TOMM70: variants seen among roughly 807,000 people sequenced by gnomAD.
The protein encoded by TOMM70 is mitochondrial import receptor subunit TOM70.
Under a neutral mutation model 73.6 loss-of-function variants are expected in TOMM70, and 13 were observed. The ratio of observed to expected loss-of-function variants is 0.18; its 90% confidence interval spans 0.11 to 0.28. TOMM70 has a LOEUF of 0.28. Ranked by LOEUF, TOMM70 falls within the 10% of genes least tolerant of loss-of-function variation. The probability of loss-of-function intolerance (pLI) is 1.00; values close to 1 mark genes in which losing one functional copy is unlikely to be tolerated. For synonymous variants in TOMM70, 257 were observed against 271.2 expected (o/e 0.95, Z 0.51); for missense variants, 609 against 747.5 (o/e 0.81, Z 2.16).
At chr3:100,369,498 ATTT>A (rs11327711) in intron 9 of TOMM70, among the ~76,000 whole-genome samples, 28 of 137,694 alleles carry the variant, frequency 2.0e-4, no homozygotes, top group African/African-American at 5.4e-4. Context: ...GCCCAAGGGA[ATTT>A]TTTTTTTTTT....
intron 1 of TOMM70, among the ~76,000 whole-genome samples, chr3:100,399,528 T>C (rs1706864337): frequency 6.6e-6 from 1 of 152,154 alleles, no homozygotes. Flanking sequence ...GCCAGACTAA[T>C]TCTCTGCACA....
At chr3:100,394,414 G>C (rs1189769442) in intron 1 of TOMM70, among the ~76,000 whole-genome samples, 1 of 148,686 alleles carries the variant, frequency 6.7e-6, no homozygotes, top group African/African-American at 2.5e-5. Context: ...AGGGGGGCAC[G>C]ATGTCCACTC....
At chr3:100,384,408 C>G (rs1187334118) in intron 4 of TOMM70, 71 bp downstream of exon 4, 2 of 1,050,092 alleles carry the variant, frequency 1.9e-6, no homozygotes, top group Non-Finnish European at 2.7e-6. Flanking sequence ...TAAGCTTAAG[C>G]AGCATAAATT....
At chr3:100,386,664 AT>A in intron 2 of TOMM70, 140 bp downstream of exon 2, 1 of 1,054,896 alleles carries the variant, frequency 9.5e-7, no homozygotes, top group Non-Finnish European at 1.4e-6. Flanking sequence ...AAGTTTTGCA[AT>A]TAATGGAAAT....
At position 100,368,033 on chromosome 3, in the gene TOMM70, C is replaced by A. The variant is rs1413904182; in HGVS notation, c.1673+11G>T. On this transcript the variant is annotated intron_variant, in intron 11 of 11. Transcript: ENST00000284320. Reference sequence around the variant, plus strand: ...GCTACCATATATTTCCTAACAGACTCCAGAAGTTACCTTTGTACTTCAATA... The same window carrying A: ...GCTACCATATATTTCCTAACAGACTACAGAAGTTACCTTTGTACTTCAATA... 6 of 1,611,552 alleles carry A rather than the reference C, an allele frequency of 3.7e-6. No homozygotes were observed. Among genetic ancestry groups the A allele is most frequent in the Non-Finnish European group, 5.1e-6 (6 of 1,178,990 alleles).
At chr3:100,372,480 T>A in intron 9 of TOMM70, 126 bp downstream of exon 9, 1 of 703,756 alleles carries the variant, frequency 1.4e-6, no homozygotes, top group Non-Finnish European at 2.4e-6. Flanking sequence ...GCCATGAGAA[T>A]CAATCAGGAA....
At chr3:100,378,697 A>G (rs1378519748) in intron 5 of TOMM70, among the ~76,000 whole-genome samples, 1 of 152,218 alleles carries the variant, frequency 6.6e-6, no homozygotes, top group African/African-American at 2.4e-5. Context: ...GGGTGTGAGC[A>G]GACCTAGAAT....
chr3:100,380,158 C>T (rs2148891397), intron 5 of TOMM70, among the ~76,000 whole-genome samples: 1 of 152,072 alleles, frequency 6.6e-6, no homozygotes, highest in African/African-American at 2.4e-5. Flanking sequence ...CCAGCCTGGC[C>T]AACATGGTGA....
intron 1 of TOMM70, among the ~76,000 whole-genome samples, chr3:100,398,014 G>A (rs1465447298): frequency 6.6e-6 from 1 of 152,076 alleles, no homozygotes; most frequent in Admixed American, 6.6e-5. Context: ...AAAGGAGATG[G>A]CTAGGTTTTA....
chr3:100,369,736 G>C (rs1706487587), intron 9 of TOMM70, among the ~76,000 whole-genome samples: 1 of 151,898 alleles, frequency 6.6e-6, no homozygotes, highest in African/African-American at 2.4e-5. Context: ...CCTGACCTCA[G>C]GTGATCCACC....
At chr3:100,393,109 G>C (rs530636837) in intron 1 of TOMM70, among the ~76,000 whole-genome samples, 3 of 151,602 alleles carry the variant, frequency 2.0e-5, no homozygotes, top group East Asian at 3.9e-4. Context: ...CCGGGCAGCA[G>C]AGGCTGCAGT....
At chr3:100,394,012 C>T (rs1021166134) in intron 1 of TOMM70, among the ~76,000 whole-genome samples, 1 of 152,304 alleles carries the variant, frequency 6.6e-6, no homozygotes. Flanking sequence ...CAATGATATA[C>T]ATCTGGCAAT....
chr3:100,390,281 C>T lies in TOMM70; in HGVS notation c.325-3303G>A, dbSNP rs182724183. Among the ~76,000 whole-genome samples, 265 of 152,218 alleles carry T rather than the reference C, an allele frequency of 1.7e-3. 2 individuals carry two copies. Among genetic ancestry groups the T allele is most frequent in the African/African-American group, 5.8e-3 (240 of 41,524 alleles). On this transcript the variant is annotated intron_variant, in intron 1 of 11. Coordinates refer to ENST00000284320, the MANE Select transcript of TOMM70 (RefSeq NM_014820.5). ...TAGACTAGTGTAGGAAACAAACAAC[C>T]GTCAATCTCGCAAAAGAACTATTAC...
chr3:100,385,675 A>T (rs1706682367), intron 3 of TOMM70, among the ~76,000 whole-genome samples: 1 of 152,252 alleles, frequency 6.6e-6, no homozygotes, highest in Non-Finnish European at 1.5e-5. Flanking sequence ...TGAGAATGAC[A>T]AATTCACTTT....
At chr3:100,387,664 C>G (rs1161826921) in intron 1 of TOMM70, among the ~76,000 whole-genome samples, 5 of 135,954 alleles carry the variant, frequency 3.7e-5, no homozygotes, top group African/African-American at 1.4e-4. Context: ...TTTCTTGAGA[C>G]AGGGTCTGTC....
Position 100,365,474 on chromosome 3 carries a change from C to A in TOMM70, c.*90G>T. The A allele has an allele frequency of 6.7e-7, 1 of 1,499,684 alleles. No homozygotes were observed. Among genetic ancestry groups the A allele is most frequent in the Non-Finnish European group, 9.0e-7 (1 of 1,105,608 alleles). 92.9% of individuals were successfully genotyped at this position (1,499,684 alleles called of 1,614,324 possible). On this transcript the variant is annotated 3_prime_UTR_variant, in exon 12 of 12. Coordinates refer to ENST00000284320, the MANE Select transcript of TOMM70 (RefSeq NM_014820.5). ...CACAAACAGAAATACTGATTTCCACCATTCAACACAGTTCATGACAGTGTC... is the reference window on the plus strand; with the variant it reads ...CACAAACAGAAATACTGATTTCCACAATTCAACACAGTTCATGACAGTGTC...
Position 100,365,710 on chromosome 3 carries a change from T to C in TOMM70, c.1681A>G (p.Met561Val), listed in dbSNP as rs746276087. 6.2e-7 allele frequency: 1 copy of C among 1,614,094 alleles called. No individual in the cohort carries two copies. Among genetic ancestry groups the C allele is most frequent in the Non-Finnish European group, 8.5e-7 (1 of 1,179,960 alleles). Residue 561 changes from methionine (M) to valine (V), a missense_variant, in exon 12 of 12, where the codon ATG becomes GTG. Transcript: ENST00000284320. ...MGTIEVQRGN[M>V]EKAIDMFNKA... The stretch of plus-strand genomic sequence containing the variant: ...TTGAACATGTCAATGGCTTTCTCCA[T>C]GTTTCCTCTAAAAGAACAAAATTTT...
At chr3:100,381,343 C>T (rs1226806544) in intron 5 of TOMM70, among the ~76,000 whole-genome samples, 1 of 152,078 alleles carries the variant, frequency 6.6e-6, no homozygotes, top group Non-Finnish European at 1.5e-5. Context: ...CAATCGGAGT[C>T]CTTTTGAGAA....
At chr3:100,396,014 G>GT (rs34486101) in intron 1 of TOMM70, among the ~76,000 whole-genome samples, 1,889 of 140,644 alleles carry the variant, frequency 0.013, 18 homozygotes, top group Middle Eastern at 0.022. Context: ...CTGGTATCAG[G>GT]TTTTTTTTTT....
Sources: allele counts gnomAD v4.1 joint callset (sites outside exome capture counted in the v4.1 genomes callset), GRCh38; gene constraint gnomAD v4.1.1; transcripts MANE v1.5; gene names NCBI Gene and HGNC (gene_info 2026-07-23, HGNC 2026-07-21).